Variants in NBEA observed in about 807,000 individuals in gnomAD.
NBEA encodes the protein lysosomal-trafficking regulator 2.
In NBEA, 44 loss-of-function variants were observed where a neutral mutation model predicts 343.4. That is an observed-to-expected ratio of 0.13 (90% CI 0.10 to 0.16). The LOEUF is 0.16. Among genes scored for constraint, NBEA ranks in the 10% least tolerant of loss-of-function variants. The pLI, the probability that NBEA is intolerant of heterozygous loss-of-function variation, is 1.00. For synonymous variants in NBEA, 1,175 were observed against 1,238.7 expected (o/e 0.95, Z 1.08); for missense variants, 2,555 against 3,631.3 (o/e 0.70, Z 7.62).
chr13:34,988,386 G>C (rs1050183322), intron 1 of NBEA, among the ~76,000 whole-genome samples: 1 of 151,244 alleles, frequency 6.6e-6, no homozygotes, highest in Non-Finnish European at 1.5e-5. Flanking sequence ...GTTCAGCTAT[G>C]CCCTGCCCCC....
chr13:35,253,234 A>G lies in NBEA; in HGVS notation c.5776+20615A>G, dbSNP rs577756871. Among the ~76,000 whole-genome samples the G allele has an allele frequency of 3.9e-5, 6 of 152,342 alleles. No homozygotes were observed. The East Asian group carries it at 1.2e-3, about 29-fold the overall frequency. On this transcript the variant is annotated intron_variant, in intron 34 of 58. Transcript: ENST00000379939. ...TTCTTTTTATTGTGCTTCACTTATT[A>G]TGCTTTACAGATACTATGTTAACAA...
chr13:35,626,912 A>G (rs1162624691), intron 48 of NBEA, among the ~76,000 whole-genome samples: 2 of 152,200 alleles, frequency 1.3e-5, no homozygotes, highest in African/African-American at 4.8e-5. Flanking sequence ...TGAATGAGAA[A>G]CATCCACACT....
chr13:35,140,079 T>C (rs900992102), intron 17 of NBEA, among the ~76,000 whole-genome samples: 1 of 152,152 alleles, frequency 6.6e-6, no homozygotes, highest in South Asian at 2.1e-4. Context: ...TAGAGTGCAG[T>C]GGCACAAGCT....
Position 35,157,127 on chromosome 13 carries a change from T to C in NBEA, c.2701T>C (p.Tyr901His). 6.2e-7 allele frequency: 1 copy of C among 1,607,376 alleles called. No individual in the cohort carries two copies. The highest frequency in any genetic ancestry group is 8.5e-7 in the Non-Finnish European group (1 of 1,176,604). The change falls in exon 21 of 59, where the codon TAT becomes CAT. Residue 901 changes from tyrosine (Y) to histidine (H), a missense_variant. Transcript: ENST00000379939. ...VWQDWMFSLGYINPKNSEEQK... is the reference protein window; with the variant it reads ...VWQDWMFSLGHINPKNSEEQK... ...GCAGGATTGGATGTTTTCTCTTGGC[T>C]ATATCAATCCTAAAAATTCTGAGGA...
intron 34 of NBEA, among the ~76,000 whole-genome samples, chr13:35,243,854 T>A (rs1214367815): frequency 6.6e-6 from 1 of 151,604 alleles, no homozygotes; most frequent in African/African-American, 2.4e-5. Flanking sequence ...AGGTAAAAGG[T>A]GAATAAGGAA....
chr13:35,226,766 A>T (rs924366623), intron 33 of NBEA, among the ~76,000 whole-genome samples: 3 of 151,796 alleles, frequency 2.0e-5, no homozygotes, highest in Non-Finnish European at 4.4e-5. Flanking sequence ...GGCATCCCCA[A>T]AAAAGCATTA....
At chr13:34,962,967 ATTAT>A (rs777667445) in intron 1 of NBEA, among the ~76,000 whole-genome samples, 3 of 152,020 alleles carry the variant, frequency 2.0e-5, no homozygotes, top group African/African-American at 7.2e-5. Flanking sequence ...GATTTTAAAG[ATTAT>A]TTAGTTTTTC....
chr13:35,460,094 A>T (rs551287969), intron 40 of NBEA, among the ~76,000 whole-genome samples: 1 of 152,322 alleles, frequency 6.6e-6, no homozygotes, highest in South Asian at 2.1e-4. Flanking sequence ...ACTAGAAGTT[A>T]TTCAACCTGA....
At chr13:34,992,324 G>A (rs558010886) in intron 1 of NBEA, among the ~76,000 whole-genome samples, 63 of 143,782 alleles carry the variant, frequency 4.4e-4, no homozygotes, top group African/African-American at 1.4e-3. Flanking sequence ...GCATGATCTC[G>A]GCTCATTGAA....
intron 34 of NBEA, among the ~76,000 whole-genome samples, chr13:35,277,343 C>T (rs996769792): frequency 5.3e-5 from 8 of 151,914 alleles, no homozygotes; most frequent in South Asian, 2.1e-4. Flanking sequence ...CACATTAGGC[C>T]GGGCGCGGTG....
intron 47 of NBEA, among the ~76,000 whole-genome samples, chr13:35,605,629 A>G (rs2082251606): frequency 6.6e-6 from 1 of 152,178 alleles, no homozygotes; most frequent in East Asian, 1.9e-4. Flanking sequence ...TACTTTTTAA[A>G]AAACAACAAA....
chr13:35,003,426 A>C (rs898650162), intron 1 of NBEA, among the ~76,000 whole-genome samples: 1 of 152,160 alleles, frequency 6.6e-6, no homozygotes, highest in Non-Finnish European at 1.5e-5. Context: ...GGAAAAAGAA[A>C]ATGCAGGTAT....
chr13:35,480,058 G>A (rs202242185), intron 41 of NBEA, among the ~76,000 whole-genome samples: 163 of 136,238 alleles, frequency 1.2e-3, no homozygotes, highest in Non-Finnish European at 1.4e-3. Context: ...TACCAGTTAG[G>A]AAAAAAAAAA....
At chr13:35,434,448 G>C (rs2045307685) in intron 39 of NBEA, among the ~76,000 whole-genome samples, 1 of 152,058 alleles carries the variant, frequency 6.6e-6, no homozygotes, top group East Asian at 1.9e-4. Flanking sequence ...AAAGAAAAGA[G>C]GAGTATGTTT....
At chr13:35,172,687 A>G (rs1351984838) in intron 26 of NBEA, among the ~76,000 whole-genome samples, 5 of 152,114 alleles carry the variant, frequency 3.3e-5, no homozygotes, top group Non-Finnish European at 5.9e-5. Context: ...CACTTTCTAT[A>G]TATTAATTCA....
chr13:35,173,834 T>C (rs2070664125), intron 27 of NBEA, among the ~76,000 whole-genome samples: 1 of 152,190 alleles, frequency 6.6e-6, no homozygotes, highest in Non-Finnish European at 1.5e-5. Flanking sequence ...CTTACAAATA[T>C]TATAATTAGC....
chr13:35,342,492 A>G (rs2039643018), intron 36 of NBEA, among the ~76,000 whole-genome samples: 1 of 152,108 alleles, frequency 6.6e-6, no homozygotes, highest in Non-Finnish European at 1.5e-5. Flanking sequence ...AGGACAGCAT[A>G]AGAAAATCTC....
At chr13:35,107,884 T>C (rs966517568) in intron 11 of NBEA, among the ~76,000 whole-genome samples, 1 of 152,076 alleles carries the variant, frequency 6.6e-6, no homozygotes, top group African/African-American at 2.4e-5. Flanking sequence ...TAATATTCTG[T>C]AGGACTCAGC....
intron 16 of NBEA, among the ~76,000 whole-genome samples, chr13:35,123,235 A>G (rs771065355): frequency 1.8e-4 from 27 of 152,198 alleles, no homozygotes; most frequent in Non-Finnish European, 3.2e-4. Flanking sequence ...AGCATGTGTT[A>G]GTATGTTGGG....
Sources: allele counts gnomAD v4.1 joint callset (sites outside exome capture counted in the v4.1 genomes callset), GRCh38; gene constraint gnomAD v4.1.1; transcripts MANE v1.5; gene names NCBI Gene and HGNC (gene_info 2026-07-23, HGNC 2026-07-21).